The following TMTC1 variants were observed in gnomAD, a reference collection of about 807,000 sequenced individuals.
TMTC1 encodes the protein protein O-mannosyl-transferase TMTC1.
In TMTC1, 73 loss-of-function variants were observed where a neutral mutation model predicts 104.8. The observed-to-expected ratio is 0.70, with a 90% CI of 0.58 to 0.85. The LOEUF is 0.85. TMTC1 is among the 40% of genes least tolerant of loss of function. The probability of loss-of-function intolerance (pLI) is 0.00; values close to 1 mark genes in which losing one functional copy is unlikely to be tolerated. For missense variants in TMTC1, 1,035 were observed against 1,096.1 expected, an observed-to-expected ratio of 0.94 and a Z score of 0.79; for synonymous variants, 434 against 428.7, an observed-to-expected ratio of 1.01 and a Z score of -0.15.
intron 5 of TMTC1, among the ~76,000 whole-genome samples, chr12:29,657,834 G>A (rs137918577): frequency 1.5e-4 from 23 of 152,218 alleles, no homozygotes; most frequent in Non-Finnish European, 2.2e-4. Context: ...GGCTGGGCAC[G>A]GTGGTTCACA....
chr12:29,600,008 A>ATATT lies in TMTC1; in HGVS notation c.1250+4169_1250+4170insAATA, dbSNP rs59108744. Among the ~76,000 whole-genome samples, 164 of 118,666 alleles carry ATATT rather than the reference A, an allele frequency of 1.4e-3. 3 individuals are homozygous for ATATT. Among genetic ancestry groups the ATATT allele is most frequent in the African/African-American group, 3.8e-3 (99 of 26,120 alleles). 77.8% of individuals were successfully genotyped at this position (118,666 alleles called of 152,430 possible). On this transcript the variant is annotated intron_variant, in intron 7 of 17. Coordinates refer to ENST00000539277, the MANE Select transcript of TMTC1 (RefSeq NM_001193451.2). ...TGTGTATATACATATATATATATAT[A>ATATT]TTTTTTTTTTTTTTTCCCTCAAAAG...
chr12:29,770,140 T>C (rs1261783741), intron 1 of TMTC1, among the ~76,000 whole-genome samples: 1 of 151,878 alleles, frequency 6.6e-6, no homozygotes, highest in Non-Finnish European at 1.5e-5. Context: ...GCACCATTTC[T>C]TTAAAAAGAA....
At chr12:29,619,284 G>A (rs930697294) in intron 6 of TMTC1, among the ~76,000 whole-genome samples, 3 of 152,200 alleles carry the variant, frequency 2.0e-5, no homozygotes, top group South Asian at 2.1e-4. Flanking sequence ...ATGATTTAGC[G>A]ATGTGTAAAA....
intron 5 of TMTC1, among the ~76,000 whole-genome samples, chr12:29,712,619 G>C (rs995715252): frequency 6.6e-6 from 1 of 151,970 alleles, no homozygotes; most frequent in Non-Finnish European, 1.5e-5. Flanking sequence ...TAAATATCTG[G>C]CTTAATCCAG....
At chr12:29,743,805 AAG>A (rs1451100293) in intron 5 of TMTC1, among the ~76,000 whole-genome samples, 1 of 152,204 alleles carries the variant, frequency 6.6e-6, no homozygotes, top group Non-Finnish European at 1.5e-5. Context: ...AAAAAAGAGA[AAG>A]AGAAAAAAAT....
At chr12:29,636,042 G>A (rs545881513) in intron 5 of TMTC1, among the ~76,000 whole-genome samples, 25 of 152,350 alleles carry the variant, frequency 1.6e-4, no homozygotes, top group Non-Finnish European at 2.8e-4. Context: ...CTGTTAAAGT[G>A]TGATAATAGT....
chr12:29,648,125 A>G (rs985990258), intron 5 of TMTC1, among the ~76,000 whole-genome samples: 28 of 152,220 alleles, frequency 1.8e-4, no homozygotes, highest in African/African-American at 6.5e-4. Flanking sequence ...AGCAAATGAC[A>G]CTTTTCTGAC....
At chr12:29,691,335 T>C (rs1235538785) in intron 5 of TMTC1, among the ~76,000 whole-genome samples, 1 of 152,114 alleles carries the variant, frequency 6.6e-6, no homozygotes, top group Non-Finnish European at 1.5e-5. Flanking sequence ...CGACTTCCTG[T>C]GGTTCCATCT....
intron 5 of TMTC1, among the ~76,000 whole-genome samples, chr12:29,671,670 C>A (rs1940523814): frequency 6.6e-6 from 1 of 152,174 alleles, no homozygotes; most frequent in Admixed American, 6.5e-5. Context: ...ACAAAGCCAG[C>A]CATTAGCAGA....
At chr12:29,732,313 G>T (rs1430545757) in intron 5 of TMTC1, among the ~76,000 whole-genome samples, 2 of 152,196 alleles carry the variant, frequency 1.3e-5, no homozygotes, top group African/African-American at 4.8e-5. Context: ...TACAGAGGTA[G>T]ATGACAAGAA....
intron 5 of TMTC1, among the ~76,000 whole-genome samples, chr12:29,643,590 A>ATATATAT (rs1289960787): frequency 5.2e-5 from 2 of 38,276 alleles, no homozygotes; most frequent in Non-Finnish European, 8.5e-5. Context: ...TCATATATAA[A>ATATATAT]TATATATTAT....
intron 5 of TMTC1, among the ~76,000 whole-genome samples, chr12:29,706,712 T>C (rs993430198): frequency 1.1e-4 from 16 of 152,230 alleles, no homozygotes; most frequent in Non-Finnish European, 2.1e-4. Context: ...ACTCTGGGGC[T>C]AGAATCAGCT....
chr12:29,620,053 G>A (rs925490970), intron 6 of TMTC1, among the ~76,000 whole-genome samples: 1 of 152,180 alleles, frequency 6.6e-6, no homozygotes, highest in Non-Finnish European at 1.5e-5. Flanking sequence ...TCAAGAAAAG[G>A]CAGTCAATTG....
At chr12:29,550,156 G>C (rs550403544) in intron 10 of TMTC1, among the ~76,000 whole-genome samples, 1 of 149,692 alleles carries the variant, frequency 6.7e-6, no homozygotes, top group African/African-American at 2.4e-5. Context: ...GTATGATAAT[G>C]AAAAAAAAAA....
chr12:29,514,394 A>G, intron 16 of TMTC1, 88 bp downstream of exon 16: 1 of 1,379,918 alleles, frequency 7.2e-7, no homozygotes, highest in Middle Eastern at 2.5e-4. Flanking sequence ...GTGATCTTAG[A>G]TCTTACTGTA....
At chr12:29,666,284 G>T (rs1314616970) in intron 5 of TMTC1, 3 of 388,610 alleles carry the variant, frequency 7.7e-6, no homozygotes, top group Non-Finnish European at 1.5e-5. Flanking sequence ...CTGGAGTGCA[G>T]TGGCACAATC....
At chr12:29,530,125 C>G (rs1359542548) in intron 11 of TMTC1, among the ~76,000 whole-genome samples, 1 of 152,148 alleles carries the variant, frequency 6.6e-6, no homozygotes, top group Non-Finnish European at 1.5e-5. Flanking sequence ...TTTCTTTCTA[C>G]TTGAGAAATA....
At chr12:29,700,471 A>G (rs539042336) in intron 5 of TMTC1, among the ~76,000 whole-genome samples, 1 of 152,182 alleles carries the variant, frequency 6.6e-6, no homozygotes, top group African/African-American at 2.4e-5. Context: ...AAGTTCTGGA[A>G]TTATAGGCAT....
chr12:29,782,219 A>AT (rs1190929065), intron 1 of TMTC1, among the ~76,000 whole-genome samples: 54 of 152,402 alleles, frequency 3.5e-4, no homozygotes, highest in African/African-American at 1.2e-3. Context: ...ACAAATGTCT[A>AT]TAACACATTC....
Sources: gnomAD v4.1 joint callset for allele counts (sites outside exome capture counted in the v4.1 genomes callset) on GRCh38, gnomAD v4.1.1 for gene constraint, MANE v1.5 for transcripts, NCBI Gene and HGNC (gene_info 2026-07-23, HGNC 2026-07-21) for gene names.